Variants in ELAVL1 observed in about 807,000 individuals in gnomAD.
ELAVL1 encodes the protein ELAV like RNA binding protein 1, also known as ELAV-like protein 1.
ELAVL1 carries 1 observed loss-of-function variant against 28.4 expected under a neutral mutation model. That is an observed-to-expected ratio of 0.04 (90% CI 0.01 to 0.17). ELAVL1 has a LOEUF of 0.17. Among genes scored for constraint, ELAVL1 ranks in the 10% least tolerant of loss-of-function variants. The pLI is 1.00. For missense variants in ELAVL1, 157 were observed against 447.2 expected, an observed-to-expected ratio of 0.35 and a Z score of 5.85; for synonymous variants, 174 against 183.5, an observed-to-expected ratio of 0.95 and a Z score of 0.42.
At chr19:7,969,670 G>C (rs912691276) in intron 4 of ELAVL1, among the ~76,000 whole-genome samples, 5 of 152,156 alleles carry the variant, frequency 3.3e-5, no homozygotes, top group African/African-American at 1.2e-4. Context: ...AAATACGACT[G>C]AGAGCTGACG....
chr19:7,985,079 C>T (rs1784919478), intron 2 of ELAVL1, among the ~76,000 whole-genome samples: 1 of 152,198 alleles, frequency 6.6e-6, no homozygotes, highest in African/African-American at 2.4e-5. Flanking sequence ...GCCACCATGC[C>T]CAGCTAATTT....
At chr19:7,973,433 T>C (rs1599667742) in intron 4 of ELAVL1, 1 of 437,616 alleles carries the variant, frequency 2.3e-6, no homozygotes, top group Non-Finnish European at 4.0e-6. Flanking sequence ...GGTTTCACCA[T>C]GTTGGTCAGG....
intron 1 of ELAVL1, among the ~76,000 whole-genome samples, chr19:8,003,774 G>GAGCT (rs1166457654): frequency 3.3e-5 from 5 of 151,750 alleles, no homozygotes; most frequent in Admixed American, 2.0e-4. Flanking sequence ...CAAAACCAAT[G>GAGCT]CATCAACATA....
At chr19:7,991,860 C>G (rs773691233) in intron 1 of ELAVL1, 29 bp from the exon 2 acceptor site, 1 of 1,557,594 alleles carries the variant, frequency 6.4e-7, no homozygotes, top group East Asian at 2.3e-5. Context: ...CAAGTAAATT[C>G]AAAATGTTCA....
intron 2 of ELAVL1, among the ~76,000 whole-genome samples, chr19:7,983,295 A>G (rs2145215141): frequency 6.6e-6 from 1 of 152,338 alleles, no homozygotes; most frequent in South Asian, 2.1e-4. Context: ...TTGGGATCGC[A>G]GCTTGGAGAA....
chr19:7,999,296 G>A (rs563262563), intron 1 of ELAVL1, among the ~76,000 whole-genome samples: 38 of 152,256 alleles, frequency 2.5e-4, no homozygotes, highest in African/African-American at 8.9e-4. Context: ...TCACTTGAAC[G>A]CGGGAGGCAG....
intron 1 of ELAVL1, among the ~76,000 whole-genome samples, chr19:7,997,626 G>GA (rs2081053985): frequency 2.0e-5 from 3 of 152,050 alleles, no homozygotes; most frequent in Admixed American, 2.0e-4. Context: ...TCGAAAAAAT[G>GA]AATTTTCCTA....
At position 7,970,664 on chromosome 19, in the gene ELAVL1, G is replaced by C. The variant is rs544375535; in HGVS notation, c.431-2874C>G. On this transcript the variant is annotated intron_variant, in intron 4 of 5. Coordinates refer to ENST00000407627, the MANE Select transcript of ELAVL1 (RefSeq NM_001419.3). ...AATACACTATAAAGTTCACAATTAA[G>C]GTGGATATAGAAGCGAAGGAATACA... Among the ~76,000 whole-genome samples the C allele has an allele frequency of 1.3e-3, 197 of 152,254 alleles. 1 individual carries two copies. Among genetic ancestry groups the C allele is most frequent in the African/African-American group, 4.4e-3 (182 of 41,532 alleles).
intron 2 of ELAVL1, among the ~76,000 whole-genome samples, chr19:7,984,277 A>G (rs12611310): frequency 0.44 from 67,175 of 152,010 alleles, 15,924 homozygotes; most frequent in East Asian, 0.54. Flanking sequence ...CATGAAAGCC[A>G]TCACATCCCT....
At position 7,982,464 on chromosome 19, in the gene ELAVL1, C is replaced by T. The variant is rs186656243; in HGVS notation, c.173-1278G>A. 2.2e-4 allele frequency among the ~76,000 whole-genome samples: 34 copies of T among 152,318 alleles called. 1 individual carries two copies. In the East Asian group the frequency reaches 4.2e-3, roughly 19 times the overall value. On this transcript the variant is annotated intron_variant, in intron 2 of 5. Coordinates refer to ENST00000407627, the MANE Select transcript of ELAVL1 (RefSeq NM_001419.3). The surrounding 1 kb of genome is among the most constrained non-coding windows in gnomAD (Gnocchi z 4.3). Reference sequence around the variant, plus strand: ...CCAGGGACATCCAGATCCATCTCACCGACAGCAAGATTACAAATCCAGCAG... The same window carrying T: ...CCAGGGACATCCAGATCCATCTCACTGACAGCAAGATTACAAATCCAGCAG...
chr19:7,988,723 G>A (rs1985670623), intron 2 of ELAVL1, among the ~76,000 whole-genome samples: 2 of 152,336 alleles, frequency 1.3e-5, no homozygotes, highest in East Asian at 3.9e-4. Context: ...GGAGGCCAGG[G>A]ATGCTGCTCA....
chr19:7,965,368 G>A (rs546124773), intron 5 of ELAVL1, among the ~76,000 whole-genome samples: 5 of 152,308 alleles, frequency 3.3e-5, no homozygotes, highest in East Asian at 3.9e-4. Flanking sequence ...GAGTCAATGC[G>A]CCCGGCCTTC....
chr19:7,970,166 T>C (rs561126082), intron 4 of ELAVL1, among the ~76,000 whole-genome samples: 147 of 151,186 alleles, frequency 9.7e-4, no homozygotes, highest in African/African-American at 3.3e-3. Flanking sequence ...CTTTATTTAT[T>C]TATTTAGAGA....
intron 1 of ELAVL1, chr19:8,002,117 C>A (rs1393071249): frequency 7.8e-7 from 1 of 1,289,296 alleles, no homozygotes; most frequent in Non-Finnish European, 1.0e-6. Context: ...CACTACCCAT[C>A]TCAGCCTTCT....
At chr19:7,977,537 GCAGCA>G (rs1298745920) in intron 3 of ELAVL1, among the ~76,000 whole-genome samples, 1 of 152,184 alleles carries the variant, frequency 6.6e-6, no homozygotes, top group African/African-American at 2.4e-5. Flanking sequence ...CAGAGACTGT[GCAGCA>G]TCCCAGCAGG....
chr19:8,003,691 CAAAA>C (rs35438998), intron 1 of ELAVL1, among the ~76,000 whole-genome samples: 3 of 80,770 alleles, frequency 3.7e-5, no homozygotes, highest in Admixed American at 1.3e-4. Context: ...GACTCCGTCT[CAAAA>C]AAAAAAAAAA....
intron 3 of ELAVL1, 23 bp from the exon 4 acceptor site, chr19:7,973,901 G>T: frequency 6.2e-7 from 1 of 1,613,244 alleles, no homozygotes. Flanking sequence ...ACCACTTTCC[G>T]AGATTAGTAC....
chr19:7,981,282 A>G lies in ELAVL1; in HGVS notation c.173-96T>C. The G allele has an allele frequency of 8.7e-7, 1 of 1,154,792 alleles. No individual in the cohort carries two copies. Among genetic ancestry groups the G allele is most frequent in the African/African-American group, 1.5e-5 (1 of 66,006 alleles). The allele number at this position is 1,154,792 out of a possible 1,614,324, so 71.5% of individuals were successfully genotyped here. On this transcript the variant is annotated intron_variant, in intron 2 of 5. Transcript: ENST00000407627. This position sits in a 1 kb window ranked among gnomAD's most constrained non-coding sequence, Gnocchi z 4.2. ...ACTATATCTGCCTGGCCTTTGGGAA[A>G]TGGGATTACAGGTGCTAGCAAACTT...
At chr19:7,999,543 G>A (rs752647495) in intron 1 of ELAVL1, among the ~76,000 whole-genome samples, 1 of 152,128 alleles carries the variant, frequency 6.6e-6, no homozygotes, top group African/African-American at 2.4e-5. Flanking sequence ...GAGGGCCCAG[G>A]TTATACCATT....
Sources: allele counts gnomAD v4.1 joint callset (sites outside exome capture counted in the v4.1 genomes callset), GRCh38; gene constraint gnomAD v4.1.1; non-coding constraint Gnocchi (gnomAD v3.1); transcripts MANE v1.5; gene names NCBI Gene and HGNC (gene_info 2026-07-23, HGNC 2026-07-21).